EPS15: variants seen among roughly 807,000 people sequenced by gnomAD.
EPS15 encodes the protein epidermal growth factor receptor substrate 15.
EPS15 carries 72 observed loss-of-function variants against 113.8 expected under a neutral mutation model. The ratio of observed to expected loss-of-function variants is 0.63; its 90% CI spans 0.52 to 0.77. The LOEUF is 0.77. Among genes scored for constraint, EPS15 ranks in the 30% least tolerant of loss-of-function variants. The probability of loss-of-function intolerance (pLI) is 0.00; values close to 1 mark genes in which losing one functional copy is unlikely to be tolerated. For synonymous variants in EPS15, 344 were observed against 363.4 expected, an observed-to-expected ratio of 0.95 and a Z score of 0.61; for missense variants, 1,048 against 1,045.8, an observed-to-expected ratio of 1.00 and a Z score of -0.03.
chr1:51,509,072 A>C (rs1644573447), intron 1 of EPS15, among the ~76,000 whole-genome samples: 1 of 152,146 alleles, frequency 6.6e-6, no homozygotes, highest in South Asian at 2.1e-4. Flanking sequence ...GTCACACAAG[A>C]AAGTCAGTGT....
intron 7 of EPS15, 80 bp downstream of exon 7, chr1:51,463,593 A>C: frequency 2.8e-6 from 2 of 709,084 alleles, no homozygotes; most frequent in Non-Finnish European, 4.4e-6. Flanking sequence ...TTTTTAACAA[A>C]GAGTTATACA....
In EPS15 at chr1:51,386,883, G is replaced by T. The variant is rs59373388; in HGVS notation, c.2119+7498C>A. Among the ~76,000 whole-genome samples the T allele has an allele frequency of 7.7e-4, 117 of 152,232 alleles. No homozygotes were observed. The East Asian group carries it at 0.02, about 26-fold the overall frequency. On this transcript the variant is annotated intron_variant, in intron 21 of 24. Coordinates refer to ENST00000371733, the MANE Select transcript of EPS15 (RefSeq NM_001981.3). Reference sequence around the variant, plus strand: ...GTGACAGGGAGAATGGAACCAAGTTGGAAAACACTCTGCAGGATATTATCC... The same window carrying T: ...GTGACAGGGAGAATGGAACCAAGTTTGAAAACACTCTGCAGGATATTATCC...
At chr1:51,357,445 G>GAT (rs71669549) in intron 24 of EPS15, among the ~76,000 whole-genome samples, 2,602 of 88,192 alleles carry the variant, frequency 0.03, 50 homozygotes, top group Non-Finnish European at 0.039. Flanking sequence ...TTTTAAATGT[G>GAT]ATATATATAT....
intron 1 of EPS15, among the ~76,000 whole-genome samples, chr1:51,503,385 C>CA (rs1644445838): frequency 6.6e-6 from 1 of 152,194 alleles, no homozygotes; most frequent in South Asian, 2.1e-4. Context: ...CCTGTAATCC[C>CA]AGCACTTTGG....
intron 13 of EPS15, among the ~76,000 whole-genome samples, chr1:51,411,429 T>TAAATGG (rs1214768395): frequency 6.6e-6 from 1 of 152,118 alleles, no homozygotes; most frequent in Non-Finnish European, 1.5e-5. Flanking sequence ...AAAGGACTGA[T>TAAATGG]AAATGGAACT....
chr1:51,429,657 T>C (rs991209078), intron 12 of EPS15, among the ~76,000 whole-genome samples: 3 of 151,182 alleles, frequency 2.0e-5, no homozygotes. Flanking sequence ...TTTTTTTTTT[T>C]TTCTTTTTTT....
chr1:51,487,231 A>G (rs1644140769), intron 1 of EPS15, among the ~76,000 whole-genome samples: 1 of 152,234 alleles, frequency 6.6e-6, no homozygotes, highest in Non-Finnish European at 1.5e-5. Flanking sequence ...GTGACACAGT[A>G]TTAGTGACAG....
chr1:51,372,475 A>T (rs1160158828), intron 21 of EPS15: 1 of 533,604 alleles, frequency 1.9e-6, no homozygotes, highest in Non-Finnish European at 3.8e-6. Context: ...TGGTTTTTAG[A>T]CCATGATTAT....
At chr1:51,385,495 T>C (rs958367069) in intron 21 of EPS15, among the ~76,000 whole-genome samples, 1 of 152,186 alleles carries the variant, frequency 6.6e-6, no homozygotes, top group Non-Finnish European at 1.5e-5. Context: ...GAGAATAGTA[T>C]GATCATTTCT....
At chr1:51,427,345 T>C (rs550663228) in intron 12 of EPS15, among the ~76,000 whole-genome samples, 1 of 152,318 alleles carries the variant, frequency 6.6e-6, no homozygotes, top group East Asian at 1.9e-4. Context: ...CTGAATCCTA[T>C]TACATACTTG....
chr1:51,402,405 A>T, intron 18 of EPS15, 30 bp downstream of exon 18: 1 of 1,205,684 alleles, frequency 8.3e-7, no homozygotes, highest in Non-Finnish European at 1.2e-6. Flanking sequence ...TTTTTGGGTA[A>T]ATCTATAATA....
At chr1:51,506,153 C>G (rs1644495843) in intron 1 of EPS15, among the ~76,000 whole-genome samples, 1 of 152,190 alleles carries the variant, frequency 6.6e-6, no homozygotes, top group Non-Finnish European at 1.5e-5. Flanking sequence ...TCCGAAAGTG[C>G]TGGGATTACA....
chr1:51,371,374 G>T (rs1485770815), intron 21 of EPS15, among the ~76,000 whole-genome samples: 3 of 152,262 alleles, frequency 2.0e-5, no homozygotes, highest in Non-Finnish European at 4.4e-5. Flanking sequence ...CTTCCAGGGG[G>T]ACAAGATGTG....
chr1:51,444,864 C>T, intron 11 of EPS15, 25 bp downstream of exon 11: 1 of 1,600,154 alleles, frequency 6.2e-7, no homozygotes, highest in Non-Finnish European at 8.5e-7. Context: ...TTAATACATT[C>T]AGGTTTCCTT....
chr1:51,498,028 AAAT>A (rs1327796911), intron 1 of EPS15, among the ~76,000 whole-genome samples: 20 of 152,046 alleles, frequency 1.3e-4, no homozygotes, highest in African/African-American at 4.8e-4. Context: ...TGATAGATTC[AAAT>A]AATGACATAC....
intron 21 of EPS15, among the ~76,000 whole-genome samples, chr1:51,380,279 A>G (rs1646912218): frequency 1.3e-5 from 2 of 152,172 alleles, no homozygotes; most frequent in Admixed American, 1.3e-4. Context: ...AGTTGAAATG[A>G]AAGGATGTTA....
At chr1:51,430,983 C>T (rs919572603) in intron 12 of EPS15, among the ~76,000 whole-genome samples, 4 of 85,544 alleles carry the variant, frequency 4.7e-5, no homozygotes, top group South Asian at 2.9e-4. Context: ...TACATACACA[C>T]ACACACACAC....
chr1:51,423,401 A>C, intron 12 of EPS15: 1 of 1,109,050 alleles, frequency 9.0e-7, no homozygotes, highest in Non-Finnish European at 1.1e-6. Flanking sequence ...AAATTTCTGA[A>C]AATACCCAAC....
intron 21 of EPS15, among the ~76,000 whole-genome samples, chr1:51,389,810 A>G (rs563518809): frequency 2.0e-5 from 3 of 152,366 alleles, no homozygotes; most frequent in African/African-American, 7.2e-5. Context: ...TCAATGAAAT[A>G]AAAGAGGATA....
Sources: gnomAD v4.1 joint callset for allele counts (sites outside exome capture counted in the v4.1 genomes callset) on GRCh38, gnomAD v4.1.1 for gene constraint, MANE v1.5 for transcripts, NCBI Gene and HGNC (gene_info 2026-07-23, HGNC 2026-07-21) for gene names.